Variants in FHIT observed in about 807,000 individuals in gnomAD.
FHIT encodes fragile histidine triad diadenosine triphosphatase.
FHIT carries 19 observed loss-of-function variants against 17.9 expected under a neutral mutation model. The ratio of observed to expected loss-of-function variants is 1.06; its 90% CI spans 0.74 to 1.56. The LOEUF is 1.56. FHIT is among the 40% of genes most tolerant of loss of function. The pLI is 0.00. For synonymous variants in FHIT, 81 were observed against 69.7 expected, an observed-to-expected ratio of 1.16 and a Z score of -0.81; for missense variants, 248 against 189.2, an observed-to-expected ratio of 1.31 and a Z score of -1.82.
intron 5 of FHIT, among the ~76,000 whole-genome samples, chr3:60,233,862 G>A: frequency 6.6e-6 from 1 of 152,116 alleles, no homozygotes; most frequent in East Asian, 1.9e-4. Context: ...CATCTTGCCT[G>A]CCGCCATGTA....
chr3:61,035,105 TA>T (rs2033178662), intron 3 of FHIT, among the ~76,000 whole-genome samples: 1 of 152,110 alleles, frequency 6.6e-6, no homozygotes, highest in Admixed American at 6.5e-5. Flanking sequence ...TCCACATAGA[TA>T]GAATACAGAT....
At chr3:60,558,571 G>C (rs1207321179) in intron 4 of FHIT, among the ~76,000 whole-genome samples, 2 of 151,944 alleles carry the variant, frequency 1.3e-5, no homozygotes, top group Non-Finnish European at 1.5e-5. Flanking sequence ...AGTCCAGAAA[G>C]AACATTTTTC....
At chr3:60,674,048 C>A (rs1218681181) in intron 4 of FHIT, among the ~76,000 whole-genome samples, 1 of 151,986 alleles carries the variant, frequency 6.6e-6, no homozygotes, top group Non-Finnish European at 1.5e-5. Flanking sequence ...AAATGTTAGA[C>A]TTCTCGCTTT....
chr3:60,567,004 G>C (rs575750665), intron 4 of FHIT, among the ~76,000 whole-genome samples: 14,866 of 146,766 alleles, frequency 0.1, 774 homozygotes, highest in Middle Eastern at 0.2. Context: ...TGGGTAGGAA[G>C]AATCAATATC....
intron 5 of FHIT, among the ~76,000 whole-genome samples, chr3:60,019,265 G>C (rs528601947): frequency 6.6e-6 from 1 of 152,212 alleles, no homozygotes; most frequent in African/African-American, 2.4e-5. Flanking sequence ...GAGATATTCT[G>C]TCTTCTAAAA....
At chr3:60,850,563 T>A (rs1703116591) in intron 3 of FHIT, among the ~76,000 whole-genome samples, 1 of 152,068 alleles carries the variant, frequency 6.6e-6, no homozygotes, top group African/African-American at 2.4e-5. Flanking sequence ...CATCCCTACC[T>A]CCTTCCCAAA....
In FHIT at chr3:60,897,268, G is replaced by A. The variant is rs567469096; in HGVS notation, c.-110-75257C>T. ...GTTGAACATATTTTCATATACTTAA[G>A]GACCCTTTTTTATCAATTTTTGTGA... On this transcript the variant is annotated intron_variant, in intron 3 of 9. Transcript: ENST00000492590. 2.6e-5 allele frequency among the ~76,000 whole-genome samples: 4 copies of A among 152,260 alleles called. No individual in the cohort carries two copies. The East Asian group carries it at 7.7e-4, about 29-fold the overall frequency.
intron 4 of FHIT, among the ~76,000 whole-genome samples, chr3:60,642,250 A>G (rs1323722728): frequency 6.6e-6 from 1 of 152,162 alleles, no homozygotes; most frequent in Non-Finnish European, 1.5e-5. Context: ...ATAGGCTAGG[A>G]AGGCGGGGGA....
chr3:60,984,773 G>A (rs1710647161), intron 3 of FHIT, among the ~76,000 whole-genome samples: 1 of 131,282 alleles, frequency 7.6e-6, no homozygotes, highest in African/African-American at 3.0e-5. Context: ...AAAGGGTATA[G>A]TTTCATGAAG....
At chr3:60,559,863 A>G (rs2036874121) in intron 4 of FHIT, among the ~76,000 whole-genome samples, 1 of 152,266 alleles carries the variant, frequency 6.6e-6, no homozygotes, top group African/African-American at 2.4e-5. Context: ...TATTGCTAAG[A>G]TGTTGGAGTC....
chr3:60,743,863 A>G (rs562547642), intron 4 of FHIT, among the ~76,000 whole-genome samples: 99 of 152,324 alleles, frequency 6.5e-4, no homozygotes, highest in African/African-American at 2.2e-3. Context: ...TTTGTCTCTC[A>G]GCTCAGCTCG....
intron 4 of FHIT, among the ~76,000 whole-genome samples, chr3:60,740,950 G>T (rs1308471724): frequency 6.6e-6 from 1 of 152,114 alleles, no homozygotes; most frequent in African/African-American, 2.4e-5. Context: ...GAGGCAAATG[G>T]TTCCTGGCTC....
chr3:60,163,512 T>C, intron 5 of FHIT, among the ~76,000 whole-genome samples: 1 of 152,090 alleles, frequency 6.6e-6, no homozygotes, highest in East Asian at 1.9e-4. Flanking sequence ...CCCCCTGTGC[T>C]TTCCTTTGTA....
intron 4 of FHIT, among the ~76,000 whole-genome samples, chr3:60,633,977 G>C (rs547881987): frequency 1.4e-4 from 21 of 152,256 alleles, no homozygotes; most frequent in African/African-American, 5.1e-4. Flanking sequence ...TTAGTTTCCA[G>C]GTTTTAAACA....
At chr3:60,695,990 A>G (rs998072328) in intron 4 of FHIT, among the ~76,000 whole-genome samples, 1 of 152,140 alleles carries the variant, frequency 6.6e-6, no homozygotes, top group Non-Finnish European at 1.5e-5. Flanking sequence ...GGAGGAATGG[A>G]GATAAGGAGA....
intron 5 of FHIT, among the ~76,000 whole-genome samples, chr3:60,056,709 G>C (rs1702097989): frequency 6.6e-6 from 1 of 152,200 alleles, no homozygotes; most frequent in Non-Finnish European, 1.5e-5. Context: ...CTTTTTGCTG[G>C]CTTGGCAGGA....
At chr3:60,298,692 T>G (rs988147449) in intron 5 of FHIT, among the ~76,000 whole-genome samples, 1 of 152,188 alleles carries the variant, frequency 6.6e-6, no homozygotes, top group South Asian at 2.1e-4. Context: ...TTTCACCACA[T>G]GCTTTTTCTG....
intron 2 of FHIT, among the ~76,000 whole-genome samples, chr3:61,171,302 T>C (rs561857935): frequency 3.3e-5 from 5 of 152,172 alleles, no homozygotes; most frequent in Non-Finnish European, 7.4e-5. Flanking sequence ...ATGGGGTTCA[T>C]TTTTTCCTTG....
chr3:61,223,648 A>G (rs2106836718), intron 1 of FHIT, among the ~76,000 whole-genome samples: 1 of 152,344 alleles, frequency 6.6e-6, no homozygotes, highest in African/African-American at 2.4e-5. Flanking sequence ...CAGTTGGCAC[A>G]AAACTGGCCT....
Sources: allele counts gnomAD v4.1 joint callset (sites outside exome capture counted in the v4.1 genomes callset), GRCh38; gene constraint gnomAD v4.1.1; transcripts MANE v1.5; gene names NCBI Gene and HGNC (gene_info 2026-07-23, HGNC 2026-07-21).